The following KLHL29 variants were observed in gnomAD, a reference collection of about 807,000 sequenced individuals.
KLHL29 encodes the protein kelch like family member 29.
KLHL29 carries 21 observed loss-of-function variants against 80.4 expected under a neutral mutation model. That is an observed-to-expected ratio of 0.26 (90% CI 0.19 to 0.38). KLHL29 has a LOEUF of 0.38. Among genes scored for constraint, KLHL29 ranks in the 10% least tolerant of loss-of-function variants. The probability of loss-of-function intolerance (pLI) is 1.00; values close to 1 mark genes in which losing one functional copy is unlikely to be tolerated. For missense variants in KLHL29, 867 were observed against 1,223.9 expected (o/e 0.71, Z 4.35); for synonymous variants, 511 against 526.8 (o/e 0.97, Z 0.41).
chr2:23,561,007 C>T (rs541312073), intron 2 of KLHL29, among the ~76,000 whole-genome samples: 124 of 152,310 alleles, frequency 8.1e-4, no homozygotes, highest in African/African-American at 2.9e-3. Context: ...GCTGGGAACC[C>T]GGACCTCCGG....
At chr2:23,425,143 T>A (rs1346929307) in intron 1 of KLHL29, among the ~76,000 whole-genome samples, 1 of 152,232 alleles carries the variant, frequency 6.6e-6, no homozygotes, top group Non-Finnish European at 1.5e-5. Flanking sequence ...TTTAATATAA[T>A]CCTTGAATAA....
chr2:23,601,717 C>T (rs1668576490), intron 3 of KLHL29, among the ~76,000 whole-genome samples: 1 of 152,174 alleles, frequency 6.6e-6, no homozygotes, highest in African/African-American at 2.4e-5. Flanking sequence ...GGGCACCTTC[C>T]CCACTCAGTA....
chr2:23,447,736 C>T (rs201116493), intron 1 of KLHL29, among the ~76,000 whole-genome samples: 1 of 152,202 alleles, frequency 6.6e-6, no homozygotes, highest in African/African-American at 2.4e-5. Flanking sequence ...AACAGGAAAT[C>T]ATTTGACAGC....
At chr2:23,683,236 G>A (rs577129493) in intron 5 of KLHL29, among the ~76,000 whole-genome samples, 44 of 152,260 alleles carry the variant, frequency 2.9e-4, no homozygotes, top group Non-Finnish European at 5.1e-4. Flanking sequence ...GGGCTGGAGA[G>A]CAGGGCTCAG....
chr2:23,420,982 G>A lies in KLHL29; in HGVS notation c.-154+35202G>A, dbSNP rs567222794. Among the ~76,000 whole-genome samples, 4 of 152,200 alleles carry A rather than the reference G, an allele frequency of 2.6e-5. No homozygotes were observed. In the East Asian group the frequency reaches 5.8e-4, roughly 22 times the overall value. On this transcript the variant is annotated intron_variant, in intron 1 of 13. Coordinates refer to ENST00000486442, the MANE Select transcript of KLHL29 (RefSeq NM_052920.2). Reference sequence around the variant, plus strand: ...AGAGACCTTAGAGACCTGGCCAGGCGCCAGGCCAGGGGCTTTCATTAACAT... The same window carrying A: ...AGAGACCTTAGAGACCTGGCCAGGCACCAGGCCAGGGGCTTTCATTAACAT...
chr2:23,632,921 C>T (rs1419664123), intron 3 of KLHL29, among the ~76,000 whole-genome samples: 1 of 152,194 alleles, frequency 6.6e-6, no homozygotes, highest in African/African-American at 2.4e-5. Context: ...ACATGCCATG[C>T]CCTAGCTGCA....
At chr2:23,490,282 T>TAA (rs879590699) in intron 2 of KLHL29, among the ~76,000 whole-genome samples, 47 of 147,254 alleles carry the variant, frequency 3.2e-4, no homozygotes, top group African/African-American at 1.1e-3. Context: ...GGTTGGTGGT[T>TAA]AAAAAAAAAA....
chr2:23,691,950 A>T, intron 7 of KLHL29, 74 bp downstream of exon 7: 1 of 1,440,760 alleles, frequency 6.9e-7, no homozygotes, highest in Non-Finnish European at 9.4e-7. Flanking sequence ...AACAGCAAGG[A>T]CTGAGCGGGG....
chr2:23,435,321 T>C (rs1663307769), intron 1 of KLHL29, among the ~76,000 whole-genome samples: 2 of 152,196 alleles, frequency 1.3e-5, no homozygotes, highest in African/African-American at 4.8e-5. Context: ...TGGGGACTTC[T>C]GTGCATACAA....
At chr2:23,526,378 A>C (rs1666319116) in intron 2 of KLHL29, among the ~76,000 whole-genome samples, 1 of 152,222 alleles carries the variant, frequency 6.6e-6, no homozygotes, top group South Asian at 2.1e-4. Context: ...TTGGCCTGGC[A>C]GCGGGACAGC....
chr2:23,682,997 G>C lies in KLHL29; in HGVS notation c.941-1402G>C, dbSNP rs779212565. 1.3e-5 allele frequency among the ~76,000 whole-genome samples: 2 copies of C among 152,246 alleles called. No homozygotes were observed. Among genetic ancestry groups the C allele is most frequent in the African/African-American group, 2.4e-5 (1 of 41,464 alleles). On this transcript the variant is annotated intron_variant, in intron 5 of 13. Transcript: ENST00000486442. This position sits in a 1 kb window ranked among gnomAD's most constrained non-coding sequence, Gnocchi z 4.1. Reference sequence around the variant, plus strand: ...CCACCGTCTTCCTTGGTCTTCAGCAGAGCCCAGTGTGTCCTCACCAAAAAG... The same window carrying C: ...CCACCGTCTTCCTTGGTCTTCAGCACAGCCCAGTGTGTCCTCACCAAAAAG...
chr2:23,562,532 T>C lies in KLHL29; in HGVS notation c.285+51T>C. 6.6e-7 allele frequency: 1 copy of C among 1,517,812 alleles called. No homozygotes were observed. Among genetic ancestry groups the C allele is most frequent in the Middle Eastern group, 2.1e-4 (1 of 4,752 alleles). 94.0% of individuals were successfully genotyped at this position (1,517,812 alleles called of 1,614,324 possible). On this transcript the variant is annotated intron_variant, in intron 3 of 13. Transcript: ENST00000486442. This position sits in a 1 kb window ranked among gnomAD's most constrained non-coding sequence, Gnocchi z 4.5. ...AGGAGCCGGACAGAGGGGCCCTGCC[T>C]CCCTGCAGGCTCAGGCCAGCCCCAC...
chr2:23,594,155 G>A (rs1298379952), intron 3 of KLHL29, among the ~76,000 whole-genome samples: 2 of 152,224 alleles, frequency 1.3e-5, no homozygotes, highest in Admixed American at 1.3e-4. Context: ...GAGGTGGGAA[G>A]GTTCTGTTTT....
At chr2:23,539,366 A>G (rs1666767125) in intron 2 of KLHL29, among the ~76,000 whole-genome samples, 1 of 151,688 alleles carries the variant, frequency 6.6e-6, no homozygotes, top group African/African-American at 2.4e-5. Context: ...ATGTCTGTAT[A>G]TAAGAAAAAT....
chr2:23,689,133 C>G (rs547674964), intron 6 of KLHL29: 1 of 152,438 alleles, frequency 6.6e-6, no homozygotes, highest in East Asian at 1.9e-4. Context: ...TCTTTGAACT[C>G]AGATTCTGAA....
chr2:23,544,614 G>A (rs113698277), intron 2 of KLHL29, among the ~76,000 whole-genome samples: 6 of 152,180 alleles, frequency 3.9e-5, no homozygotes, highest in African/African-American at 9.7e-5. Flanking sequence ...GAGAGTGAGC[G>A]GGAAAGAAAG....
chr2:23,446,028 T>G (rs1359906601), intron 1 of KLHL29, among the ~76,000 whole-genome samples: 1 of 152,214 alleles, frequency 6.6e-6, no homozygotes. Context: ...GTTTTTTCAT[T>G]TTTTAACTTA....
intron 2 of KLHL29, among the ~76,000 whole-genome samples, chr2:23,517,600 A>G (rs1665977671): frequency 7.8e-6 from 1 of 127,792 alleles, no homozygotes; most frequent in South Asian, 2.9e-4. Context: ...GGTCCTTTCC[A>G]GAATCTTTTC....
chr2:23,462,801 G>T (rs1033232305), intron 1 of KLHL29, among the ~76,000 whole-genome samples: 2 of 152,118 alleles, frequency 1.3e-5, no homozygotes, highest in African/African-American at 2.4e-5. Flanking sequence ...TACTTACAAT[G>T]TTTAATTATT....
Sources: gnomAD v4.1 joint callset for allele counts (sites outside exome capture counted in the v4.1 genomes callset) on GRCh38, gnomAD v4.1.1 for gene constraint, Gnocchi (gnomAD v3.1) non-coding constraint, MANE v1.5 for transcripts, NCBI Gene and HGNC (gene_info 2026-07-23, HGNC 2026-07-21) for gene names.